Variants in ZNF473 observed in about 807,000 individuals in gnomAD.
ZNF473 encodes the protein zinc finger protein 100 homolog.
A neutral mutation model predicts 11.1 loss-of-function variants in ZNF473; 4 were observed. The ratio of observed to expected loss-of-function variants is 0.36; its 90% CI spans 0.18 to 0.82. The LOEUF (loss-of-function observed/expected upper bound fraction) is 0.82. ZNF473 is among the 40% of genes least tolerant of loss of function. The pLI is 0.49. For synonymous variants in ZNF473, 404 were observed against 390.4 expected (o/e 1.03, Z -0.41); for missense variants, 854 against 1,084.0 (o/e 0.79, Z 2.98).
chr19:50,045,223 G>A lies in ZNF473; in HGVS notation c.780G>A (p.Thr260=), dbSNP rs755694652. The A allele has an allele frequency of 6.8e-6, 11 of 1,613,982 alleles. No homozygotes were observed. Among genetic ancestry groups the A allele is most frequent in the South Asian group, 2.2e-5 (2 of 91,088 alleles). ...TTTCTGTGTATCCGAAAACTCACACGGGCTACAAATTCTATGTGTGTAATG... is the reference window on the plus strand; with the variant it reads ...TTTCTGTGTATCCGAAAACTCACACAGGCTACAAATTCTATGTGTGTAATG... ...ASLSVYPKTH[T]GYKFYVCNEY... The change falls in exon 5 of 5, where the codon ACG becomes ACA. Residue 260 remains threonine (T), a synonymous_variant. Coordinates refer to ENST00000270617, the MANE Select transcript of ZNF473 (RefSeq NM_015428.4).
chr19:50,034,875 C>T (rs1054776176), intron 2 of ZNF473, among the ~76,000 whole-genome samples: 11 of 152,192 alleles, frequency 7.2e-5, no homozygotes, highest in Non-Finnish European at 1.2e-4. Flanking sequence ...CCAAGAATCT[C>T]TTGTGCCCCC....
chr19:50,031,232 T>C, intron 2 of ZNF473, 141 bp downstream of exon 2: 2 of 1,127,696 alleles, frequency 1.8e-6, no homozygotes, highest in Non-Finnish European at 2.6e-6. Flanking sequence ...TCCTTTGTTT[T>C]GGCCTCCCTG....
chr19:50,045,295 A>G lies in ZNF473; in HGVS notation c.852A>G (p.Lys284=), dbSNP rs144715436. The change falls in exon 5 of 5, where the codon AAA becomes AAG. Residue 284 remains lysine, a synonymous_variant. Coordinates refer to ENST00000270617, the MANE Select transcript of ZNF473 (RefSeq NM_015428.4). The part of the protein sequence containing the change: ...FSQSTYLWHQ[K]THTGEKPCKS... ...AGAGTACATACCTGTGGCATCAGAA[A>G]ACTCACACTGGAGAAAAACCATGTA... 93 of 1,614,184 alleles carry G rather than the reference A, an allele frequency of 5.8e-5. No individual in the cohort carries two copies. The East Asian group carries it at 1.3e-3, about 23-fold the overall frequency.
At chr19:50,028,845 C>T (rs2077301570) in intron 1 of ZNF473, among the ~76,000 whole-genome samples, 1 of 152,184 alleles carries the variant, frequency 6.6e-6, no homozygotes, top group Non-Finnish European at 1.5e-5. Context: ...GAGTTATACT[C>T]GTAGGTTGAG....
At chr19:50,035,898 A>T (rs186389355) in intron 2 of ZNF473, among the ~76,000 whole-genome samples, 37 of 152,224 alleles carry the variant, frequency 2.4e-4, no homozygotes, top group Non-Finnish European at 2.4e-4. Context: ...TGTGTAGCAG[A>T]TGGGAGCTCG....
rs1251714985 is a variant in ZNF473, at chr19:50,045,153, C to G, written c.710C>G (p.Thr237Ser). ...ATCACTCATACTAGGGAGAAACCCACTGTCCATCAAGAGTGTGAGCAAGGT... is the reference window on the plus strand; with the variant it reads ...ATCACTCATACTAGGGAGAAACCCAGTGTCCATCAAGAGTGTGAGCAAGGT... Reference protein sequence around the residue: ...HWITHTREKPTVHQECEQGFD... With the variant: ...HWITHTREKPSVHQECEQGFD... Residue 237 changes from threonine (T) to serine (S), a missense_variant, in exon 5 of 5, where the codon ACT becomes AGT. This residue lies in a region of ZNF473 where 668 missense variants were observed against 790.2 expected (regional missense o/e 0.85). Transcript: ENST00000270617. 6.2e-7 allele frequency: 1 copy of G among 1,614,138 alleles called. No individual in the cohort carries two copies. The highest frequency in any genetic ancestry group is 1.7e-5 in the Admixed American group (1 of 60,002).
chr19:50,030,784 G>T (rs2077313493), intron 1 of ZNF473, 108 bp from the exon 2 acceptor site: 1 of 504,562 alleles, frequency 2.0e-6, no homozygotes, highest in African/African-American at 1.9e-5. Flanking sequence ...ACTGTTAGGT[G>T]CTAACCCACC....
At chr19:50,033,098 C>T (rs1394080329) in intron 2 of ZNF473, among the ~76,000 whole-genome samples, 1 of 152,098 alleles carries the variant, frequency 6.6e-6, no homozygotes, top group Non-Finnish European at 1.5e-5. Context: ...ACAGTTCAAC[C>T]CATACCACAC....
intron 2 of ZNF473, among the ~76,000 whole-genome samples, chr19:50,031,792 G>A (rs1035255231): frequency 1.3e-5 from 2 of 152,134 alleles, no homozygotes; most frequent in Non-Finnish European, 2.9e-5. Flanking sequence ...GGTGTTAGTT[G>A]AATGAATGAA....
chr19:50,042,085 T>TA (rs1412635590), intron 4 of ZNF473: 17 of 279,740 alleles, frequency 6.1e-5, no homozygotes, highest in Non-Finnish European at 6.1e-5. Context: ...CCTCTTTCCT[T>TA]CCAGACTCAA....
rs1978654270 is a variant in ZNF473 at position 50,039,462 on chromosome 19, AT to A, written c.136+177del. On this transcript the variant is annotated intron_variant, in intron 3 of 4. Transcript: ENST00000270617. This position sits in a 1 kb window ranked among gnomAD's most constrained non-coding sequence, Gnocchi z 4.8. The stretch of plus-strand genomic sequence containing the variant: ...TTGGCAATGTGTGGAGACATTTTTG[AT>A]TGTTACTCCTTGGGCCAGCGCAGCG... 6.6e-6 allele frequency among the ~76,000 whole-genome samples: 1 copy of A among 151,446 alleles called. No individual in the cohort carries two copies. Among genetic ancestry groups the A allele is most frequent in the Admixed American group, 6.6e-5 (1 of 15,262 alleles).
intron 4 of ZNF473, chr19:50,043,515 C>T (rs1009395989): frequency 1.3e-5 from 2 of 148,752 alleles, no homozygotes; most frequent in South Asian, 2.1e-4. Flanking sequence ...GCTCACTTAC[C>T]TGTAAGAAAG....
intron 2 of ZNF473, among the ~76,000 whole-genome samples, chr19:50,033,683 C>T (rs1218456614): frequency 6.6e-6 from 1 of 152,128 alleles, no homozygotes; most frequent in Non-Finnish European, 1.5e-5. Context: ...GGGGCTCAAA[C>T]CAAGGTGTCA....
chr19:50,045,527 C>G lies in ZNF473; in HGVS notation c.1084C>G (p.Leu362Val), dbSNP rs1600763014. Residue 362 changes from leucine to valine, a missense_variant, in exon 5 of 5, where the codon CTC (leucine) becomes GTC (valine). By Grantham distance (32) the Leu-to-Val change is conservative (BLOSUM62 1). This residue lies in a region of ZNF473 where 668 missense variants were observed against 790.2 expected (regional missense o/e 0.85). Transcript: ENST00000270617. ...GGCGACCTTCAACTTGAGAAAACAC[C>G]TCATCCAACATCAGAAAACTCACGC... is the stretch of plus-strand genomic sequence containing the variant. ...CQATFNLRKH[L>V]IQHQKTHAAK... 7 of 1,614,198 alleles carry G rather than the reference C, an allele frequency of 4.3e-6. No individual in the cohort carries two copies. Among genetic ancestry groups the G allele is most frequent in the Non-Finnish European group, 5.1e-6 (6 of 1,180,028 alleles).
rs1483095342 is a variant in ZNF473 at position 50,039,136 on chromosome 19, T to G, written c.10-25T>G. ...CTCCTCCCTGACCCCAGCCTCTGAG[T>G]GACCAATAGTGTACTGTGTTTCAGG... On this transcript the variant is annotated intron_variant, in intron 2 of 4. Transcript: ENST00000270617. The surrounding 1 kb of genome is among the most constrained non-coding windows in gnomAD (Gnocchi z 4.8). 1 of 1,613,184 alleles carries G rather than the reference T, an allele frequency of 6.2e-7. No homozygotes were observed. Among genetic ancestry groups the G allele is most frequent in the Non-Finnish European group, 8.5e-7 (1 of 1,179,330 alleles).
chr19:50,029,140 T>C (rs778997762), intron 1 of ZNF473, among the ~76,000 whole-genome samples: 7 of 152,118 alleles, frequency 4.6e-5, no homozygotes, highest in South Asian at 2.1e-4. Flanking sequence ...CTTTGTTTTG[T>C]TTTGTTTTTG....
chr19:50,046,186 G>C lies in ZNF473; in HGVS notation c.1743G>C (p.Glu581Asp). 3 of 1,614,194 alleles carry C rather than the reference G, an allele frequency of 1.9e-6. No homozygotes were observed. Among genetic ancestry groups the C allele is most frequent in the Non-Finnish European group, 2.5e-6 (3 of 1,180,036 alleles). ...FSCSKYLTQH[E>D]RIHTRGVKPF... ...GCAGCAAATACCTAACTCAGCACGA[G>C]AGGATTCACACCAGGGGAGTGAAGC... Residue 581 changes from glutamate (E) to aspartate (D), a missense_variant, in exon 5 of 5, where the codon GAG becomes GAC. Transcript: ENST00000270617. The surrounding 1 kb of genome is among the most constrained non-coding windows in gnomAD (Gnocchi z 5.9).
Position 50,044,653 on chromosome 19 carries a change from T to C in ZNF473, c.227-17T>C. On this transcript the variant is annotated splice_polypyrimidine_tract_variant and intron_variant, in intron 4 of 4. Coordinates refer to ENST00000270617, the MANE Select transcript of ZNF473 (RefSeq NM_015428.4). ...TCACCCTTAGTGAACAGGAGACATT[T>C]GCACTTGCTCTTTCAGATGTGACTG... is the stretch of plus-strand genomic sequence containing the variant. 1 of 1,584,596 alleles carries C rather than the reference T, an allele frequency of 6.3e-7. No individual in the cohort carries two copies. Among genetic ancestry groups the C allele is most frequent in the Non-Finnish European group, 8.6e-7 (1 of 1,163,538 alleles).
chr19:50,046,819 G>A lies in ZNF473; in HGVS notation c.2376G>A (p.Gly792=). ...AGCCCTACAGATGTGGTGAATGTGG[G>A]AAAGCCTTTGCCCAGAAAGCAAATC... ...GEKPYRCGEC[G]KAFAQKANLT... The change falls in exon 5 of 5, where the codon GGG becomes GGA. Residue 792 remains glycine, a synonymous_variant. Coordinates refer to ENST00000270617, the MANE Select transcript of ZNF473 (RefSeq NM_015428.4). This position sits in a 1 kb window ranked among gnomAD's most constrained non-coding sequence, Gnocchi z 5.9. 2 of 1,614,200 alleles carry A rather than the reference G, an allele frequency of 1.2e-6. No homozygotes were observed. The highest frequency in any genetic ancestry group is 8.5e-7 in the Non-Finnish European group (1 of 1,180,022).
Sources: allele counts gnomAD v4.1 joint callset (sites outside exome capture counted in the v4.1 genomes callset), GRCh38; gene constraint gnomAD v4.1.1; regional missense constraint gnomAD v4.1.1; non-coding constraint Gnocchi (gnomAD v3.1); transcripts MANE v1.5; gene names NCBI Gene and HGNC (gene_info 2026-07-23, HGNC 2026-07-21).